Variants in ADK observed in about 807,000 individuals in gnomAD.
ADK encodes N6,N6-dimethyladenosine kinase.
ADK carries 24 observed loss-of-function variants against 44.7 expected under a neutral mutation model. That is an observed-to-expected ratio of 0.54 (90% confidence interval 0.39 to 0.76). The LOEUF (loss-of-function observed/expected upper bound fraction) is 0.76, where lower values mean the gene tolerates loss of function less well. Ranked by LOEUF, ADK falls within the 30% of genes least tolerant of loss-of-function variation. ADK has a pLI of 0.00. For missense variants in ADK, 321 were observed against 425.1 expected (o/e 0.76, Z 2.15); for synonymous variants, 128 against 142.6 (o/e 0.90, Z 0.73).
At chr10:74,302,105 G>GTTTTTTTTTTTTTT (rs1840065150) in intron 3 of ADK, among the ~76,000 whole-genome samples, 1 of 88,932 alleles carries the variant, frequency 1.1e-5, no homozygotes, top group Non-Finnish European at 2.0e-5. Context: ...TTTTTTGTTT[G>GTTTTTTTTTTTTTT]TTTGTTTTTT....
At chr10:74,625,985 GGA>G (rs1853187709) in intron 9 of ADK, among the ~76,000 whole-genome samples, 1 of 152,008 alleles carries the variant, frequency 6.6e-6, no homozygotes, top group African/African-American at 2.4e-5. Context: ...TACTAAATTA[GGA>G]GATAGTGTAG....
chr10:74,351,018 A>G (rs1841946003), intron 4 of ADK, among the ~76,000 whole-genome samples: 4 of 152,216 alleles, frequency 2.6e-5, no homozygotes, highest in African/African-American at 7.2e-5. Flanking sequence ...AGCTGGTACC[A>G]TTCCTTCTGA....
chr10:74,582,410 A>G (rs1311285802), intron 7 of ADK, among the ~76,000 whole-genome samples: 1 of 152,182 alleles, frequency 6.6e-6, no homozygotes, highest in Non-Finnish European at 1.5e-5. Flanking sequence ...TTGTTCTTTA[A>G]TACTAAAAAC....
chr10:74,583,253 T>C (rs1851428628), intron 7 of ADK, among the ~76,000 whole-genome samples: 1 of 152,238 alleles, frequency 6.6e-6, no homozygotes, highest in South Asian at 2.1e-4. Flanking sequence ...ATGTCACTGC[T>C]ACAGCTGTTG....
intron 3 of ADK, among the ~76,000 whole-genome samples, chr10:74,230,908 C>T (rs1198656638): frequency 6.6e-6 from 1 of 152,178 alleles, no homozygotes; most frequent in Non-Finnish European, 1.5e-5. Flanking sequence ...TCTCAAACTC[C>T]TGACCTCAGG....
chr10:74,342,207 T>C (rs12772532), intron 4 of ADK, among the ~76,000 whole-genome samples: 98,769 of 151,966 alleles, frequency 0.65, 33,337 homozygotes, highest in Middle Eastern at 0.8. Context: ...ATAGGGATTG[T>C]GTTGAATCTC....
chr10:74,309,188 T>C (rs1346893689), intron 3 of ADK, among the ~76,000 whole-genome samples: 1 of 152,146 alleles, frequency 6.6e-6, no homozygotes, highest in Non-Finnish European at 1.5e-5. Flanking sequence ...TTCCTTATTG[T>C]TCTCTTCACT....
chr10:74,565,564 C>G (rs1310417921), intron 7 of ADK, among the ~76,000 whole-genome samples: 2 of 151,642 alleles, frequency 1.3e-5, no homozygotes, highest in Non-Finnish European at 2.9e-5. Flanking sequence ...TCCATCTCTA[C>G]TAAAAATACA....
chr10:74,363,298 G>A (rs1842397115), intron 4 of ADK, among the ~76,000 whole-genome samples: 1 of 152,200 alleles, frequency 6.6e-6, no homozygotes, highest in Admixed American at 6.5e-5. Flanking sequence ...GGGATTTGCT[G>A]TGGGACAGAG....
chr10:74,661,025 C>T (rs1854702939), intron 9 of ADK, among the ~76,000 whole-genome samples: 1 of 151,822 alleles, frequency 6.6e-6, no homozygotes, highest in Admixed American at 6.6e-5. Flanking sequence ...GAGCAAGACT[C>T]TGTCTCAAAG....
intron 4 of ADK, among the ~76,000 whole-genome samples, chr10:74,354,028 A>G (rs193090246): frequency 1.3e-5 from 2 of 152,372 alleles, no homozygotes; most frequent in African/African-American, 4.8e-5. Context: ...GTCCAGAATA[A>G]GCATCAATTT....
At chr10:74,666,463 A>G (rs1405945971) in intron 9 of ADK, among the ~76,000 whole-genome samples, 1 of 152,186 alleles carries the variant, frequency 6.6e-6, no homozygotes, top group African/African-American at 2.4e-5. Context: ...AATAATAATT[A>G]TTCCCAACCC....
Position 74,317,831 on chromosome 10 carries a change from G to C in ADK, c.273+3086G>C, listed in dbSNP as rs181363311. Among the ~76,000 whole-genome samples the C allele has an allele frequency of 5.3e-5, 8 of 152,238 alleles. No individual in the cohort carries two copies. The East Asian group carries it at 1.5e-3, about 29-fold the overall frequency. On this transcript the variant is annotated intron_variant, in intron 4 of 10. Coordinates refer to ENST00000539909, the MANE Select transcript of ADK (RefSeq NM_006721.4). Reference sequence around the variant, plus strand: ...GGAGTCTCACTCTGTTGCCAGGCTGGAGTGCAGTGGCGCGATCTCTGCTCA... The same window carrying C: ...GGAGTCTCACTCTGTTGCCAGGCTGCAGTGCAGTGGCGCGATCTCTGCTCA...
intron 1 of ADK, among the ~76,000 whole-genome samples, chr10:74,200,156 G>GTTTTTTTTTTTT (rs760622376): frequency 6.0e-5 from 6 of 99,274 alleles, no homozygotes; most frequent in Admixed American, 2.2e-4. Flanking sequence ...GACACCATCT[G>GTTTTTTTTTTTT]TTTTTTTTTT....
intron 9 of ADK, among the ~76,000 whole-genome samples, chr10:74,621,006 A>G (rs1852975306): frequency 1.3e-5 from 2 of 151,884 alleles, no homozygotes; most frequent in African/African-American, 4.8e-5. Flanking sequence ...ATTTTTTTCT[A>G]TTCCATAGGT....
intron 7 of ADK, among the ~76,000 whole-genome samples, chr10:74,542,528 T>C (rs1849674755): frequency 6.6e-6 from 1 of 152,186 alleles, no homozygotes; most frequent in African/African-American, 2.4e-5. Context: ...TTTTTTTAAA[T>C]ATGTGAAACA....
chr10:74,688,629 G>T (rs935068409), intron 10 of ADK, among the ~76,000 whole-genome samples: 1 of 152,134 alleles, frequency 6.6e-6, no homozygotes, highest in African/African-American at 2.4e-5. Context: ...AGTAACCCAC[G>T]CTAGGCCAGG....
At chr10:74,501,631 A>T (rs1847887484) in intron 6 of ADK, among the ~76,000 whole-genome samples, 1 of 152,204 alleles carries the variant, frequency 6.6e-6, no homozygotes, top group Non-Finnish European at 1.5e-5. Context: ...AAGCAGGAAG[A>T]TACATTGTGA....
At chr10:74,371,950 AC>A (rs1390586842) in intron 4 of ADK, 2 of 1,066,344 alleles carry the variant, frequency 1.9e-6, no homozygotes, top group Non-Finnish European at 2.9e-6. Context: ...GAGGCATCTT[AC>A]GTTAACCTAT....
Sources: allele counts gnomAD v4.1 joint callset (sites outside exome capture counted in the v4.1 genomes callset), GRCh38; gene constraint gnomAD v4.1.1; transcripts MANE v1.5; gene names NCBI Gene and HGNC (gene_info 2026-07-23, HGNC 2026-07-21).